Variants in CPQ observed in about 807,000 individuals in gnomAD.
CPQ encodes the protein carboxypeptidase Q.
In CPQ, 37 loss-of-function variants were observed where a neutral mutation model predicts 45.7. That is an observed-to-expected ratio of 0.81 (90% confidence interval 0.62 to 1.07). The LOEUF (loss-of-function observed/expected upper bound fraction) is 1.07, where lower values mean the gene tolerates loss of function less well. CPQ is among the 50% of genes least tolerant of loss of function. CPQ has a pLI of 0.00. For synonymous variants in CPQ, 186 were observed against 205.8 expected (o/e 0.90, Z 0.82); for missense variants, 537 against 572.9 (o/e 0.94, Z 0.64).
chr8:97,096,439 T>C (rs187439755), intron 7 of CPQ, among the ~76,000 whole-genome samples: 89 of 152,290 alleles, frequency 5.8e-4, no homozygotes, highest in African/African-American at 2.0e-3. Flanking sequence ...GAACTTTATC[T>C]CCTAGAAAGG....
At position 96,821,091 on chromosome 8, in the gene CPQ, G is replaced by A. The variant is rs569969702; in HGVS notation, c.434-13882G>A. On this transcript the variant is annotated intron_variant, in intron 2 of 7. Coordinates refer to ENST00000220763, the MANE Select transcript of CPQ (RefSeq NM_016134.4). The stretch of plus-strand genomic sequence containing the variant: ...GCCATTTGTATGTCTTTTGAGAAAT[G>A]TCTGTTCAAACCTTTTGCCCAATAT... Among the ~76,000 whole-genome samples, 5 of 133,812 alleles carry A rather than the reference G, an allele frequency of 3.7e-5. No individual in the cohort carries two copies. The East Asian group carries it at 1.1e-3, about 29-fold the overall frequency. The allele number at this position is 133,812 out of a possible 152,430, so 87.8% of individuals were successfully genotyped here.
chr8:97,115,101 G>A (rs1398000308), intron 7 of CPQ, among the ~76,000 whole-genome samples: 1 of 152,166 alleles, frequency 6.6e-6, no homozygotes, highest in Non-Finnish European at 1.5e-5. Context: ...AGGTGTGACA[G>A]GAGAGGCAAT....
In CPQ at chr8:96,905,404, G is replaced by A. The variant is rs550426699; in HGVS notation, c.849+25399G>A. ...GGTTACAGATGAAGGCACAGTAGCT[G>A]TGACCAATAGGATAGGAAAGTGGAT... On this transcript the variant is annotated intron_variant, in intron 4 of 7. Coordinates refer to ENST00000220763, the MANE Select transcript of CPQ (RefSeq NM_016134.4). Among the ~76,000 whole-genome samples, 3 of 152,292 alleles carry A rather than the reference G, an allele frequency of 2.0e-5. No homozygotes were observed. In the East Asian group the frequency reaches 5.8e-4, roughly 29 times the overall value.
chr8:96,880,958 G>A (rs942047015), intron 4 of CPQ, among the ~76,000 whole-genome samples: 1 of 152,008 alleles, frequency 6.6e-6, no homozygotes, highest in Non-Finnish European at 1.5e-5. Flanking sequence ...CTGAAGAAGG[G>A]CAGGAGTAAT....
At chr8:96,861,822 G>A (rs757924217) in intron 3 of CPQ, among the ~76,000 whole-genome samples, 1 of 152,086 alleles carries the variant, frequency 6.6e-6, no homozygotes, top group Non-Finnish European at 1.5e-5. Flanking sequence ...CCTGACATAA[G>A]ATAGAATATA....
intron 5 of CPQ, among the ~76,000 whole-genome samples, chr8:97,008,783 T>C (rs1479688381): frequency 6.6e-6 from 1 of 152,142 alleles, no homozygotes; most frequent in East Asian, 1.9e-4. Flanking sequence ...TACTGTGAGG[T>C]TCAAAAAGTA....
intron 1 of CPQ, among the ~76,000 whole-genome samples, chr8:96,782,317 T>C (rs1161291484): frequency 6.6e-6 from 1 of 152,202 alleles, no homozygotes. Flanking sequence ...GACTTACTGC[T>C]TGTGCACTCA....
At chr8:97,102,158 A>G (rs993310655) in intron 7 of CPQ, among the ~76,000 whole-genome samples, 3 of 152,164 alleles carry the variant, frequency 2.0e-5, no homozygotes, top group Non-Finnish European at 4.4e-5. Context: ...TGTTTTGAAA[A>G]TAAAAATGCA....
intron 2 of CPQ, among the ~76,000 whole-genome samples, chr8:96,807,474 C>T (rs1354722487): frequency 3.3e-5 from 5 of 152,190 alleles, no homozygotes; most frequent in African/African-American, 1.2e-4. Context: ...ACCTCGTGAT[C>T]CACCCGCCTG....
At chr8:96,667,595 C>T (rs1279823340) in intron 1 of CPQ, among the ~76,000 whole-genome samples, 2 of 152,040 alleles carry the variant, frequency 1.3e-5, no homozygotes, top group African/African-American at 4.8e-5. Context: ...GTGATCTGCC[C>T]GCCTCGGCTT....
chr8:96,987,255 G>A (rs1482110923), intron 5 of CPQ, among the ~76,000 whole-genome samples: 1 of 152,062 alleles, frequency 6.6e-6, no homozygotes, highest in Non-Finnish European at 1.5e-5. Context: ...CCCACATCCA[G>A]TGCAAAGTAA....
At chr8:97,029,289 T>C (rs959247932) in intron 5 of CPQ, 114 bp from the exon 6 acceptor site, 7 of 990,802 alleles carry the variant, frequency 7.1e-6, no homozygotes, top group African/African-American at 1.6e-5. Flanking sequence ...CCAGTGAGAG[T>C]TGAATGCCTC....
chr8:97,109,645 G>T (rs1182773461), intron 7 of CPQ, among the ~76,000 whole-genome samples: 1 of 151,918 alleles, frequency 6.6e-6, no homozygotes, highest in African/African-American at 2.4e-5. Context: ...ACACACAAAT[G>T]ATTTTTTTTT....
chr8:97,121,912 A>G (rs1318018075), intron 7 of CPQ, among the ~76,000 whole-genome samples: 1 of 152,166 alleles, frequency 6.6e-6, no homozygotes, highest in Non-Finnish European at 1.5e-5. Flanking sequence ...GCCAAATAAA[A>G]GATACATGAA....
At chr8:97,090,978 G>A (rs1445229839) in intron 7 of CPQ, among the ~76,000 whole-genome samples, 1 of 152,128 alleles carries the variant, frequency 6.6e-6, no homozygotes, top group Non-Finnish European at 1.5e-5. Context: ...ATCTATGGCT[G>A]GACAAATTGG....
intron 1 of CPQ, among the ~76,000 whole-genome samples, chr8:96,692,305 C>T (rs1300651436): frequency 2.0e-5 from 3 of 151,750 alleles, no homozygotes; most frequent in Non-Finnish European, 4.4e-5. Context: ...AGTTGTGGTT[C>T]ATAATAATTA....
chr8:97,044,350 C>A (rs1054183065), intron 6 of CPQ, among the ~76,000 whole-genome samples: 2 of 152,192 alleles, frequency 1.3e-5, no homozygotes, highest in African/African-American at 2.4e-5. Context: ...CCTTTAAGCA[C>A]TTCTCTGTAT....
chr8:96,939,785 C>T lies in CPQ; in HGVS notation c.850-26150C>T, dbSNP rs574155651. Among the ~76,000 whole-genome samples the T allele has an allele frequency of 8.5e-5, 13 of 152,162 alleles. No individual in the cohort carries two copies. The South Asian group carries it at 1.7e-3, about 19-fold the overall frequency. On this transcript the variant is annotated intron_variant, in intron 4 of 7. Coordinates refer to ENST00000220763, the MANE Select transcript of CPQ (RefSeq NM_016134.4). ...AGTGCTGCTTATGAACATTTTTGTCCGTGTCTCCTGGCACATACATACAAG... is the reference window on the plus strand; with the variant it reads ...AGTGCTGCTTATGAACATTTTTGTCTGTGTCTCCTGGCACATACATACAAG...
At chr8:96,926,435 T>C (rs532272333) in intron 4 of CPQ, among the ~76,000 whole-genome samples, 14 of 152,272 alleles carry the variant, frequency 9.2e-5, no homozygotes, top group South Asian at 6.2e-4. Flanking sequence ...AATAAACGTT[T>C]ATGGAATGCC....
Sources: gnomAD v4.1 joint callset for allele counts (sites outside exome capture counted in the v4.1 genomes callset) on GRCh38, gnomAD v4.1.1 for gene constraint, MANE v1.5 for transcripts, NCBI Gene and HGNC (gene_info 2026-07-23, HGNC 2026-07-21) for gene names.